Variants in GNL3L observed in about 807,000 individuals in gnomAD.
GNL3L encodes the protein G protein nucleolar 3 like, also known as guanine nucleotide-binding protein-like 3-like protein.
GNL3L carries 4 observed loss-of-function variants against 42.9 expected under a neutral mutation model. The ratio of observed to expected loss-of-function variants is 0.09; its 90% CI spans 0.05 to 0.21. GNL3L has a LOEUF of 0.21. Among genes scored for constraint, GNL3L ranks in the 10% least tolerant of loss-of-function variants. The pLI is 1.00. For synonymous variants in GNL3L, 159 were observed against 176.3 expected (o/e 0.90, Z 0.78); for missense variants, 412 against 481.7 (o/e 0.86, Z 1.36).
intron 16 of GNL3L, among the ~76,000 whole-genome samples, chrX:54,605,756 G>A (rs755490002): frequency 4.5e-5 from 5 of 110,714 alleles, no homozygotes; most frequent in Non-Finnish European, 9.4e-5. Flanking sequence ...CTTTGCTCGC[G>A]TTCTTCTCTT....
At chrX:54,602,242 C>G (rs1256412940) in intron 16 of GNL3L, among the ~76,000 whole-genome samples, 1 of 111,750 alleles carries the variant, frequency 8.9e-6, no homozygotes, top group East Asian at 2.8e-4. Context: ...CTCACCAGCA[C>G]TCGATATTGT....
intron 15 of GNL3L, among the ~76,000 whole-genome samples, chrX:54,559,449 C>T (rs977153868): frequency 2.7e-5 from 3 of 111,993 alleles, no homozygotes; most frequent in Admixed American, 9.5e-5. Context: ...TTTTCTGAGA[C>T]ACAAGCAAAT....
chrX:54,571,946 AT>A (rs1013398779), downstream of GNL3L, among the ~76,000 whole-genome samples: 9 of 90,833 alleles, frequency 9.9e-5, no homozygotes, highest in East Asian at 3.7e-4. Context: ...GATTTTTTGG[AT>A]TTTTTTTTTC....
chrX:54,554,512 G>T (rs763830854), intron 13 of GNL3L, 53 bp from the exon 14 acceptor site: 5 of 1,173,892 alleles, frequency 4.3e-6, no homozygotes, highest in African/African-American at 1.8e-5. Flanking sequence ...TGACCAGGGG[G>T]CTGGCAACAG....
chrX:54,643,792 CCTCTGGTAATCATCCTACTACTCT>C, the GNL3L span, among the ~76,000 whole-genome samples: 1 of 111,378 alleles, frequency 9.0e-6, no homozygotes, highest in Non-Finnish European at 1.9e-5. Context: ...CCCTTGCCAG[CCTCTGGTAATCATCCTACTACTCT>C]CTACCTCCAC....
chrX:54,587,034 C>T (rs1335772807), intron 16 of GNL3L, among the ~76,000 whole-genome samples: 3 of 111,749 alleles, frequency 2.7e-5, no homozygotes, highest in African/African-American at 6.5e-5. Context: ...CCCACCACTT[C>T]GATTGCTATC....
chrX:54,630,395 A>G, the GNL3L span, among the ~76,000 whole-genome samples: 2 of 110,564 alleles, frequency 1.8e-5, no homozygotes, highest in Admixed American at 9.7e-5. Context: ...ATTTAATGCT[A>G]TGAACTTTCC....
At chrX:54,588,061 T>C (rs1377140652) in intron 16 of GNL3L, among the ~76,000 whole-genome samples, 1 of 112,398 alleles carries the variant, frequency 8.9e-6, no homozygotes, top group Non-Finnish European at 1.9e-5. Flanking sequence ...GTTTATCTTG[T>C]AATCTGTGAT....
chrX:54,572,015 AT>A (rs759203283), downstream of GNL3L, among the ~76,000 whole-genome samples: 1,387 of 100,658 alleles, frequency 0.014, 22 homozygotes, highest in African/African-American at 0.048. Context: ...TTATTTATTT[AT>A]TTTTTTTTAT....
chrX:54,596,713 T>G (rs1007016681), intron 16 of GNL3L, among the ~76,000 whole-genome samples: 3 of 111,667 alleles, frequency 2.7e-5, no homozygotes, highest in African/African-American at 9.8e-5. Context: ...GTCAAAAATC[T>G]TAGAAGTCTA....
intron 16 of GNL3L, among the ~76,000 whole-genome samples, chrX:54,577,842 G>A (rs748414549): frequency 1.9e-3 from 210 of 110,434 alleles, no homozygotes; most frequent in African/African-American, 6.2e-3. Flanking sequence ...CCCAGGCTCA[G>A]GTGGTCTTCC....
At chrX:54,607,105 C>CTTTCTT (rs1557200543) in intron 16 of GNL3L, among the ~76,000 whole-genome samples, 1 of 65,640 alleles carries the variant, frequency 1.5e-5, no homozygotes, top group Non-Finnish European at 2.8e-5. Context: ...TTCTTTCTTT[C>CTTTCTT]TTTCTTTCTT....
At chrX:54,615,236 G>A (rs1482165272) in intron 16 of GNL3L, among the ~76,000 whole-genome samples, 1 of 111,972 alleles carries the variant, frequency 8.9e-6, no homozygotes, top group Non-Finnish European at 1.9e-5. Flanking sequence ...CCATGTTGTA[G>A]CATGTATCAG....
intron 16 of GNL3L, among the ~76,000 whole-genome samples, chrX:54,615,798 G>A (rs1231681720): frequency 5.5e-5 from 6 of 108,797 alleles, no homozygotes; most frequent in Admixed American, 3.0e-4. Flanking sequence ...TCTGCCTCCC[G>A]GGTTCAAGCG....
intron 16 of GNL3L, among the ~76,000 whole-genome samples, chrX:54,601,861 G>A (rs946209759): frequency 1.3e-4 from 14 of 111,854 alleles, no homozygotes; most frequent in African/African-American, 4.2e-4. Context: ...GAATAGCTTC[G>A]TTTATTCAGT....
intron 14 of GNL3L, among the ~76,000 whole-genome samples, chrX:54,557,306 C>T (rs1925123768): frequency 9.0e-6 from 1 of 110,830 alleles, no homozygotes; most frequent in African/African-American, 3.3e-5. Flanking sequence ...CTCTGGCACC[C>T]AGGCTGGAGT....
chrX:54,614,513 C>G (rs910803852), intron 16 of GNL3L, among the ~76,000 whole-genome samples: 1 of 111,227 alleles, frequency 9.0e-6, no homozygotes, highest in Non-Finnish European at 1.9e-5. Context: ...CCCCCTGCTC[C>G]TCTGGTCATC....
intron 5 of GNL3L, 40 bp from the exon 6 acceptor site, chrX:54,542,915 C>G (rs1026632444): frequency 3.5e-6 from 3 of 866,105 alleles, no homozygotes; most frequent in African/African-American, 2.0e-5. Flanking sequence ...GCTCTCTCCC[C>G]CTCCTCCCCT....
At chrX:54,549,203 G>A (rs1208702886) in intron 9 of GNL3L, among the ~76,000 whole-genome samples, 1 of 111,748 alleles carries the variant, frequency 8.9e-6, no homozygotes, top group Non-Finnish European at 1.9e-5. Flanking sequence ...GACTGGACAA[G>A]GCTGTAGATA....
Sources: gnomAD v4.1 joint callset for allele counts (sites outside exome capture counted in the v4.1 genomes callset) on GRCh38, gnomAD v4.1.1 for gene constraint, MANE v1.5 for transcripts, NCBI Gene and HGNC (gene_info 2026-07-23, HGNC 2026-07-21) for gene names.